MTMR9: variants seen among roughly 807,000 people sequenced by gnomAD.
MTMR9 encodes myotubularin related protein 9, also known as myotubularin-related protein 9.
A neutral mutation model predicts 69.5 loss-of-function variants in MTMR9; 39 were observed. That is an observed-to-expected ratio of 0.56 (90% CI 0.43 to 0.73). The LOEUF is 0.73. Among genes scored for constraint, MTMR9 ranks in the 30% least tolerant of loss-of-function variants. MTMR9 has a pLI of 0.00. For synonymous variants in MTMR9, 354 were observed against 240.8 expected (o/e 1.47, Z -4.35); for missense variants, 900 against 671.2 (o/e 1.34, Z -3.77).
intron 1 of MTMR9, among the ~76,000 whole-genome samples, chr8:11,292,985 G>T (rs1037366344): frequency 6.6e-6 from 1 of 152,154 alleles, no homozygotes; most frequent in South Asian, 2.1e-4. Flanking sequence ...TTATTTTAGA[G>T]TATACTGCTT....
At chr8:11,300,236 A>T in intron 3 of MTMR9, 88 bp downstream of exon 3, 1 of 1,452,986 alleles carries the variant, frequency 6.9e-7, no homozygotes, top group South Asian at 1.2e-5. Context: ...TTTGAAGAGT[A>T]ATAAGGTGAA....
chr8:11,319,599 C>A, intron 8 of MTMR9, 88 bp from the exon 9 acceptor site: 1 of 1,338,638 alleles, frequency 7.5e-7, no homozygotes, highest in Non-Finnish European at 1.1e-6. Flanking sequence ...TTCTTTCATA[C>A]TGAGAAGAAA....
chr8:11,292,985 G>C (rs1037366344), intron 1 of MTMR9, among the ~76,000 whole-genome samples: 1 of 152,154 alleles, frequency 6.6e-6, no homozygotes, highest in South Asian at 2.1e-4. Flanking sequence ...TTATTTTAGA[G>C]TATACTGCTT....
the MTMR9 span, among the ~76,000 whole-genome samples, chr8:11,339,465 A>T: frequency 1.3e-5 from 2 of 152,230 alleles, no homozygotes; most frequent in African/African-American, 4.8e-5. Context: ...GCAAACCCAG[A>T]TCTGTAGGCC....
Position 11,324,672 on chromosome 8 carries a change from A to G in MTMR9, c.*1884A>G, listed in dbSNP as rs1325202203. 1 of 152,210 alleles carries G rather than the reference A, an allele frequency of 6.6e-6. No homozygotes were observed. Among genetic ancestry groups the G allele is most frequent in the Non-Finnish European group, 1.5e-5 (1 of 68,046 alleles). The allele number at this position is 152,210 out of a possible 1,614,324, so 9.4% of individuals were successfully genotyped here. ...TCTCAGCTAACAGGCATATAAGGAA[A>G]ACCATCTAGAGAGTTTTCTTTAGAA... On this transcript the variant is annotated 3_prime_UTR_variant, in exon 10 of 10. Transcript: ENST00000221086.
chr8:11,335,948 G>A, the MTMR9 span, among the ~76,000 whole-genome samples: 1 of 152,278 alleles, frequency 6.6e-6, no homozygotes, highest in Admixed American at 6.5e-5. Context: ...AAGTTGGGGG[G>A]AGGACACAAT....
chr8:11,332,293 A>C (rs1801268419), downstream of MTMR9: 1 of 1,150,930 alleles, frequency 8.7e-7, no homozygotes, highest in Admixed American at 3.4e-5. Context: ...TATAATAAAA[A>C]TATCACAAAG....
At chr8:11,292,371 T>C (rs1799404482) in intron 1 of MTMR9, among the ~76,000 whole-genome samples, 1 of 152,184 alleles carries the variant, frequency 6.6e-6, no homozygotes, top group Non-Finnish European at 1.5e-5. Flanking sequence ...AATGGCTGGA[T>C]CAGATGTAGG....
intron 6 of MTMR9, among the ~76,000 whole-genome samples, chr8:11,312,833 A>G (rs1800257194): frequency 6.6e-6 from 1 of 152,218 alleles, no homozygotes; most frequent in African/African-American, 2.4e-5. Context: ...TGCAGAATAG[A>G]TGTTGTTTTA....
intron 1 of MTMR9, among the ~76,000 whole-genome samples, chr8:11,292,950 A>G (rs1046283274): frequency 6.6e-6 from 1 of 152,214 alleles, no homozygotes; most frequent in Non-Finnish European, 1.5e-5. Flanking sequence ...TGGTTTATGT[A>G]TTTACTATAG....
intron 6 of MTMR9, among the ~76,000 whole-genome samples, chr8:11,314,260 A>C (rs897124270): frequency 6.6e-6 from 1 of 152,210 alleles, no homozygotes; most frequent in African/African-American, 2.4e-5. Flanking sequence ...GAGAAGATGT[A>C]GTAAATTTAG....
chr8:11,330,863 C>T (rs1801187841), downstream of MTMR9: 14 of 722,564 alleles, frequency 1.9e-5, 1 homozygote, highest in South Asian at 2.6e-4. Context: ...CACTATTGTC[C>T]TATGACCCTG....
intron 7 of MTMR9, chr8:11,316,191 T>C (rs1307494519): frequency 1.3e-5 from 2 of 152,294 alleles, no homozygotes; most frequent in Non-Finnish European, 2.9e-5. Flanking sequence ...AGAGATTTAC[T>C]ATCAGAGCTG....
chr8:11,337,025 A>G, the MTMR9 span, among the ~76,000 whole-genome samples: 1 of 152,202 alleles, frequency 6.6e-6, no homozygotes, highest in Admixed American at 6.5e-5. Flanking sequence ...GGTAATCTGC[A>G]GAAGGGGGCG....
chr8:11,308,676 G>T (rs2117417489), intron 5 of MTMR9, among the ~76,000 whole-genome samples: 1 of 152,218 alleles, frequency 6.6e-6, no homozygotes, highest in Non-Finnish European at 1.5e-5. Flanking sequence ...TTGTATTTCT[G>T]TGATATCAGT....
intron 6 of MTMR9, among the ~76,000 whole-genome samples, chr8:11,310,594 T>C (rs1321345309): frequency 6.6e-6 from 1 of 152,210 alleles, no homozygotes; most frequent in African/African-American, 2.4e-5. Flanking sequence ...CTGTTCTTTC[T>C]GTTTTAGGCG....
Position 11,294,500 on chromosome 8 carries a change from C to CTTT in MTMR9, c.183-678_183-676dup, listed in dbSNP as rs61227530. ...TGTTAGATTTTGTCAAATACTTTCACTTTTTTTTTTTTTTTTTTGAGACAG... is the reference window on the plus strand; with the variant it reads ...TGTTAGATTTTGTCAAATACTTTCACTTTTTTTTTTTTTTTTTTTTTGAGACAG... On this transcript the variant is annotated intron_variant, in intron 1 of 9. Transcript: ENST00000221086. Among the ~76,000 whole-genome samples the CTTT allele has an allele frequency of 2.8e-5, 3 of 105,844 alleles. 1 individual carries two copies. The highest frequency in any genetic ancestry group is 1.3e-4 in the African/African-American group (3 of 22,430). 69.4% of individuals were successfully genotyped at this position (105,844 alleles called of 152,430 possible). A position where few individuals can be genotyped will look rare whatever the true frequency, so the allele number is the denominator to read the frequency against.
chr8:11,313,672 C>G (rs1482515052), intron 6 of MTMR9, among the ~76,000 whole-genome samples: 1 of 152,106 alleles, frequency 6.6e-6, no homozygotes, highest in Non-Finnish European at 1.5e-5. Flanking sequence ...AAGAGAGAGT[C>G]AAAGGAACAG....
At chr8:11,286,941 A>C (rs947332608) in intron 1 of MTMR9, among the ~76,000 whole-genome samples, 1 of 152,040 alleles carries the variant, frequency 6.6e-6, no homozygotes, top group Non-Finnish European at 1.5e-5. Context: ...GCCTCTCCCA[A>C]GTTTGTTTAA....
Sources: gnomAD v4.1 joint callset for allele counts (sites outside exome capture counted in the v4.1 genomes callset) on GRCh38, gnomAD v4.1.1 for gene constraint, MANE v1.5 for transcripts, NCBI Gene and HGNC (gene_info 2026-07-23, HGNC 2026-07-21) for gene names.